Variants in KLHL29 observed in about 807,000 individuals in gnomAD.
KLHL29 encodes kelch like family member 29, also known as kelch-like protein 29.
KLHL29 carries 21 observed loss-of-function variants against 80.4 expected under a neutral mutation model. That is an observed-to-expected ratio of 0.26 (90% CI 0.19 to 0.38). KLHL29 has a LOEUF of 0.38. KLHL29 is among the 10% of genes least tolerant of loss of function. KLHL29 has a pLI of 1.00. For missense variants in KLHL29, 867 were observed against 1,223.9 expected (o/e 0.71, Z 4.35); for synonymous variants, 511 against 526.8 (o/e 0.97, Z 0.41).
rs1671983587 is a variant in KLHL29, at chr2:23,696,726, C to T, written c.2105+213C>T. 3 of 497,246 alleles carry T rather than the reference C, an allele frequency of 6.0e-6. No individual in the cohort carries two copies. The highest frequency in any genetic ancestry group is 7.0e-6 in the Non-Finnish European group (2 of 284,266). 30.8% of individuals were successfully genotyped at this position (497,246 alleles called of 1,614,324 possible). On this transcript the variant is annotated intron_variant, in intron 11 of 13. Transcript: ENST00000486442. This position sits in a 1 kb window ranked among gnomAD's most constrained non-coding sequence, Gnocchi z 5.5. ...TGGGATGACATCTGTGTCACCTTTG[C>T]AGTCGCTGAGATGGGAGATGGGGCG...
At chr2:23,580,233 A>T (rs922590260) in intron 3 of KLHL29, among the ~76,000 whole-genome samples, 10 of 151,698 alleles carry the variant, frequency 6.6e-5, no homozygotes, top group African/African-American at 2.2e-4. Context: ...CTAGCCGGGC[A>T]TGGTGGCAGG....
rs1671985824 is a variant in KLHL29, at chr2:23,696,751, G to A, written c.2105+238G>A. 1.7e-5 allele frequency: 8 copies of A among 466,356 alleles called. No individual in the cohort carries two copies. The highest frequency in any genetic ancestry group is 1.2e-4 in the South Asian group (4 of 33,356). The allele number at this position is 466,356 out of a possible 1,614,324, so 28.9% of individuals were successfully genotyped here. A position where few individuals can be genotyped will look rare whatever the true frequency, so the allele number is the denominator to read the frequency against. On this transcript the variant is annotated intron_variant, in intron 11 of 13. Coordinates refer to ENST00000486442, the MANE Select transcript of KLHL29 (RefSeq NM_052920.2). This position sits in a 1 kb window ranked among gnomAD's most constrained non-coding sequence, Gnocchi z 5.5. The stretch of plus-strand genomic sequence containing the variant: ...CAGTCGCTGAGATGGGAGATGGGGC[G>A]CTTCTGTCCCGACAACCCATTTAGG...
chr2:23,662,394 T>G lies in KLHL29; in HGVS notation c.940+19544T>G, dbSNP rs528611357. Among the ~76,000 whole-genome samples, 6 of 152,322 alleles carry G rather than the reference T, an allele frequency of 3.9e-5. No individual in the cohort carries two copies. In the East Asian group the frequency reaches 1.2e-3, roughly 29 times the overall value. ...CGTGTTCTGAGCAGTGATCAAGTGTTCCTCTTTCTCCTGGAGGCATTTGTT... is the reference window on the plus strand; with the variant it reads ...CGTGTTCTGAGCAGTGATCAAGTGTGCCTCTTTCTCCTGGAGGCATTTGTT... On this transcript the variant is annotated intron_variant, in intron 5 of 13. Transcript: ENST00000486442.
At chr2:23,537,818 A>T (rs1172650757) in intron 2 of KLHL29, among the ~76,000 whole-genome samples, 2 of 152,180 alleles carry the variant, frequency 1.3e-5, no homozygotes, top group African/African-American at 2.4e-5. Context: ...CTGGGTTCTC[A>T]AGGAGCTCAT....
At chr2:23,620,457 A>G (rs1436230174) in intron 3 of KLHL29, among the ~76,000 whole-genome samples, 1 of 152,094 alleles carries the variant, frequency 6.6e-6, no homozygotes, top group East Asian at 1.9e-4. Flanking sequence ...TAGAGGAAAT[A>G]TTTAGGAGGG....
intron 3 of KLHL29, among the ~76,000 whole-genome samples, chr2:23,585,739 C>G (rs1461737219): frequency 6.6e-6 from 1 of 152,084 alleles, no homozygotes; most frequent in African/African-American, 2.4e-5. Flanking sequence ...TAACTAGAAG[C>G]AGGAGGGCGG....
intron 3 of KLHL29, among the ~76,000 whole-genome samples, chr2:23,564,707 C>T (rs1053663052): frequency 6.6e-6 from 1 of 152,240 alleles, no homozygotes; most frequent in African/African-American, 2.4e-5. Flanking sequence ...GATGGGCAGG[C>T]CCGGGCCCAG....
Position 23,562,364 on chromosome 2 carries a change from G to A in KLHL29, c.168G>A (p.Leu56=). Residue 56 remains leucine (L), a synonymous_variant, in exon 3 of 14, where the codon CTG becomes CTA. Transcript: ENST00000486442. This position sits in a 1 kb window ranked among gnomAD's most constrained non-coding sequence, Gnocchi z 4.5. ...GCGTCCGGCCCGGCCTCCTGCCGCT[G>A]CCCGTGGTGCCCTCCCGGCTGCCCA... ...SLSVRPGLLP[L]PVVPSRLPTP... 1 of 1,541,670 alleles carries A rather than the reference G, an allele frequency of 6.5e-7. No homozygotes were observed.
chr2:23,603,842 G>A (rs908729926), intron 3 of KLHL29, among the ~76,000 whole-genome samples: 8 of 152,232 alleles, frequency 5.3e-5, no homozygotes, highest in South Asian at 2.1e-4. Context: ...GCCCATCCCC[G>A]AGTTCAGTGC....
chr2:23,402,223 C>T (rs80238555), intron 1 of KLHL29, among the ~76,000 whole-genome samples: 2 of 152,004 alleles, frequency 1.3e-5, no homozygotes, highest in African/African-American at 2.4e-5. Context: ...CACACTGTCC[C>T]GGGTGGAAAA....
At chr2:23,504,426 C>T (rs902350584) in intron 2 of KLHL29, among the ~76,000 whole-genome samples, 3 of 152,286 alleles carry the variant, frequency 2.0e-5, no homozygotes, top group Non-Finnish European at 4.4e-5. Flanking sequence ...TGCCCCACTG[C>T]CCATGGGGTC....
Position 23,695,683 on chromosome 2 carries a change from A to G in KLHL29, c.1603A>G (p.Asn535Asp). The change falls in exon 9 of 14, where the codon AAT (asparagine) becomes GAT (aspartate). Residue 535 changes from asparagine (N) to aspartate (D), a missense_variant. Physicochemically the swap from Asn to Asp is conservative, Grantham distance 23 (BLOSUM62 1). Around this residue, in one of 2 missense-constraint regions of KLHL29, gnomAD observed 443 missense variants for 767.0 expected, o/e 0.58. Coordinates refer to ENST00000486442, the MANE Select transcript of KLHL29 (RefSeq NM_052920.2). The surrounding 1 kb of genome is among the most constrained non-coding windows in gnomAD (Gnocchi z 7.6). Reference protein sequence around the residue: ...LPFIHPSYLLNVVDNEELIKS... With the variant: ...LPFIHPSYLLDVVDNEELIKS... ...CTTCATCCACCCCAGCTACCTGCTC[A>G]ATGTGGTTGACAATGAAGAGCTGAT... The G allele has an allele frequency of 6.4e-7, 1 of 1,551,630 alleles. No homozygotes were observed. Among genetic ancestry groups the G allele is most frequent in the Non-Finnish European group, 8.7e-7 (1 of 1,146,968 alleles).
At chr2:23,588,173 G>A (rs941418351) in intron 3 of KLHL29, among the ~76,000 whole-genome samples, 2 of 152,110 alleles carry the variant, frequency 1.3e-5, no homozygotes, top group African/African-American at 4.8e-5. Flanking sequence ...TGGTGCCAGT[G>A]CCTGCTCCTC....
intron 5 of KLHL29, among the ~76,000 whole-genome samples, chr2:23,671,315 G>A (rs1670750995): frequency 6.6e-6 from 1 of 151,994 alleles, no homozygotes; most frequent in South Asian, 2.1e-4. Flanking sequence ...TCTGCTGCCT[G>A]CCCCATGCCC....
At chr2:23,604,148 T>A (rs985653080) in intron 3 of KLHL29, among the ~76,000 whole-genome samples, 1 of 152,044 alleles carries the variant, frequency 6.6e-6, no homozygotes, top group Non-Finnish European at 1.5e-5. Context: ...TTTTTTATTT[T>A]TTTTATTTTT....
At chr2:23,561,252 G>A (rs1271563731) in intron 2 of KLHL29, among the ~76,000 whole-genome samples, 11 of 152,152 alleles carry the variant, frequency 7.2e-5, no homozygotes, top group Admixed American at 7.2e-4. Flanking sequence ...AGTAACACCA[G>A]GCCCTGGATG....
intron 2 of KLHL29, among the ~76,000 whole-genome samples, chr2:23,543,437 T>C (rs1220844152): frequency 6.6e-6 from 1 of 152,190 alleles, no homozygotes; most frequent in East Asian, 1.9e-4. Flanking sequence ...GCACAGTGCC[T>C]GACCCCCAGT....
At chr2:23,438,507 G>T (rs1172572926) in intron 1 of KLHL29, among the ~76,000 whole-genome samples, 1 of 144,786 alleles carries the variant, frequency 6.9e-6, no homozygotes, top group Non-Finnish European at 1.5e-5. Flanking sequence ...TTTATTGAGA[G>T]TTTTTAGCAT....
chr2:23,528,248 T>A (rs752415765), intron 2 of KLHL29, among the ~76,000 whole-genome samples: 8 of 151,218 alleles, frequency 5.3e-5, no homozygotes, highest in Non-Finnish European at 8.8e-5. Context: ...CAAAAAAAAA[T>A]TCCATCGCAC....
Sources: allele counts gnomAD v4.1 joint callset (sites outside exome capture counted in the v4.1 genomes callset), GRCh38; gene constraint gnomAD v4.1.1; regional missense constraint gnomAD v4.1.1; non-coding constraint Gnocchi (gnomAD v3.1); transcripts MANE v1.5; gene names NCBI Gene and HGNC (gene_info 2026-07-23, HGNC 2026-07-21).